CCR5AS: variants seen among roughly 807,000 people sequenced by gnomAD.
CCR5AS encodes CCR5 antisense RNA.
intron 2 of CCR5AS, among the ~76,000 whole-genome samples, chr3:46,381,512 T>G (rs919624816): frequency 6.6e-6 from 1 of 152,212 alleles, no homozygotes; most frequent in Non-Finnish European, 1.5e-5. Context: ...ATCTGATAAC[T>G]TAATCTTTTT....
intron 2 of CCR5AS, among the ~76,000 whole-genome samples, chr3:46,383,956 T>C (rs1426496106): frequency 6.6e-6 from 1 of 152,182 alleles, no homozygotes; most frequent in Non-Finnish European, 1.5e-5. Context: ...AAAAGTACTG[T>C]TGAAGTGGCA....
intron 2 of CCR5AS, among the ~76,000 whole-genome samples, chr3:46,381,426 C>A (rs1388386531): frequency 6.6e-6 from 1 of 152,136 alleles, no homozygotes; most frequent in Non-Finnish European, 1.5e-5. Context: ...ATTGTCAACT[C>A]TTATACATCC....
At chr3:46,372,718 A>C in intron 2 of CCR5AS, 1 of 502,924 alleles carries the variant, frequency 2.0e-6, no homozygotes, top group Non-Finnish European at 3.5e-6. Context: ...AGCTAGCAGC[A>C]AACCTTCCCT....
intron 2 of CCR5AS, among the ~76,000 whole-genome samples, chr3:46,387,265 T>A (rs183730161): frequency 9.1e-4 from 139 of 152,318 alleles, no homozygotes; most frequent in Non-Finnish European, 1.6e-3. Context: ...AGGAGACCCA[T>A]GACCATCCAA....
intron 2 of CCR5AS, chr3:46,373,102 T>C (rs199722561): frequency 6.2e-7 from 1 of 1,614,202 alleles, no homozygotes; most frequent in East Asian, 2.2e-5. Context: ...ATGACTGACA[T>C]CTACCTGCTC....
intron 3 of CCR5AS, among the ~76,000 whole-genome samples, chr3:46,366,864 G>T (rs1036128551): frequency 6.6e-6 from 1 of 152,202 alleles, no homozygotes; most frequent in Admixed American, 6.5e-5. Context: ...TGGCTCTCCT[G>T]CTAAAGGTGG....
chr3:46,393,655 A>G (rs1431809592), intron 1 of CCR5AS, among the ~76,000 whole-genome samples: 1 of 152,178 alleles, frequency 6.6e-6, no homozygotes, highest in Admixed American at 6.5e-5. Flanking sequence ...ACAGCGCACA[A>G]ATTCTTGTAT....
At chr3:46,401,261 C>T (rs771874435) in intron 1 of CCR5AS, among the ~76,000 whole-genome samples, 13 of 152,254 alleles carry the variant, frequency 8.5e-5, no homozygotes, top group East Asian at 3.9e-4. Context: ...AGAAAGGGAT[C>T]GAAATGCTGC....
chr3:46,368,849 A>G (rs1426190822), intron 3 of CCR5AS, among the ~76,000 whole-genome samples: 2 of 152,200 alleles, frequency 1.3e-5, no homozygotes, highest in Admixed American at 6.5e-5. Flanking sequence ...AATGACAGAC[A>G]AACAGAACAT....
intron 2 of CCR5AS, among the ~76,000 whole-genome samples, chr3:46,392,351 T>C (rs1030762098): frequency 6.6e-6 from 1 of 152,134 alleles, no homozygotes; most frequent in African/African-American, 2.4e-5. Flanking sequence ...GGTCAGGTGT[T>C]AGTCAAAGGT....
At chr3:46,369,100 C>T (rs937528846) in intron 3 of CCR5AS, among the ~76,000 whole-genome samples, 2 of 152,218 alleles carry the variant, frequency 1.3e-5, no homozygotes, top group Non-Finnish European at 2.9e-5. Context: ...TATTTCCCTG[C>T]TTAAACAGTC....
At chr3:46,405,982 C>T (rs1438976403) in intron 1 of CCR5AS, among the ~76,000 whole-genome samples, 3 of 151,774 alleles carry the variant, frequency 2.0e-5, no homozygotes, top group Non-Finnish European at 4.4e-5. Flanking sequence ...CTCACGTGAA[C>T]ATCCCACCTT....
At chr3:46,365,008 G>C (rs1433461873) in exon 4 of CCR5AS, 1 of 155,280 alleles carries the variant, frequency 6.4e-6, no homozygotes, top group African/African-American at 2.4e-5. Context: ...AGCAGTGAAA[G>C]TGGTCTCTTG....
intron 2 of CCR5AS, among the ~76,000 whole-genome samples, chr3:46,371,730 T>C (rs1701662268): frequency 1.3e-5 from 2 of 152,038 alleles, no homozygotes; most frequent in Non-Finnish European, 2.9e-5. Context: ...TTTATTATAT[T>C]ATTTCTTGGG....
chr3:46,367,950 A>T (rs960133529), intron 3 of CCR5AS, among the ~76,000 whole-genome samples: 1 of 152,186 alleles, frequency 6.6e-6, no homozygotes, highest in Non-Finnish European at 1.5e-5. Context: ...ATTGACCAGG[A>T]GTCAACTCAG....
intron 1 of CCR5AS, among the ~76,000 whole-genome samples, chr3:46,398,342 A>G (rs1379586966): frequency 6.6e-6 from 1 of 152,168 alleles, no homozygotes; most frequent in Admixed American, 6.5e-5. Flanking sequence ...ATCCCCAGTC[A>G]AGACACACTC....
intron 2 of CCR5AS, among the ~76,000 whole-genome samples, chr3:46,392,023 A>G (rs1424352768): frequency 6.6e-6 from 1 of 152,216 alleles, no homozygotes; most frequent in African/African-American, 2.4e-5. Flanking sequence ...CCATTTGCCC[A>G]TTTTACGACA....
intron 3 of CCR5AS, among the ~76,000 whole-genome samples, chr3:46,368,536 T>C (rs1701623190): frequency 6.6e-6 from 1 of 152,204 alleles, no homozygotes; most frequent in African/African-American, 2.4e-5. Flanking sequence ...AACACAAAAG[T>C]GGAGTAACGC....
intron 2 of CCR5AS, among the ~76,000 whole-genome samples, chr3:46,378,911 C>T (rs1271453424): frequency 6.6e-6 from 1 of 151,932 alleles, no homozygotes; most frequent in Non-Finnish European, 1.5e-5. Flanking sequence ...TCAAGCTCCT[C>T]CCTTGTTTCT....
Sources: allele counts gnomAD v4.1 joint callset (sites outside exome capture counted in the v4.1 genomes callset), GRCh38; gene constraint gnomAD v4.1.1; transcripts MANE v1.5; gene names NCBI Gene and HGNC (gene_info 2026-07-23, HGNC 2026-07-21).